SHISA5: variants seen among roughly 807,000 people sequenced by gnomAD.
The protein encoded by SHISA5 is protein shisa-5.
Under a neutral mutation model 27.5 loss-of-function variants are expected in SHISA5, and 21 were observed. That is an observed-to-expected ratio of 0.76 (90% CI 0.54 to 1.10). The LOEUF (loss-of-function observed/expected upper bound fraction) is 1.10, where lower values mean the gene tolerates loss of function less well. Among genes scored for constraint, SHISA5 ranks in the 50% least tolerant of loss-of-function variants. The pLI is 0.00. For missense variants in SHISA5, 314 were observed against 336.3 expected, an observed-to-expected ratio of 0.93 and a Z score of 0.52; for synonymous variants, 137 against 142.2, an observed-to-expected ratio of 0.96 and a Z score of 0.26.
In SHISA5 at chr3:48,468,769, G is replaced by C. The variant is rs1303946335; in HGVS notation, c.*338C>G. ...TAGGGTAAGCTGGAGAAGAACTCCA[G>C]ATGTGCCCTGGAGAGGCCCCCACCT... On this transcript the variant is annotated 3_prime_UTR_variant, in exon 6 of 6. Transcript: ENST00000296444. 39 of 1,392,860 alleles carry C rather than the reference G, an allele frequency of 2.8e-5. No individual in the cohort carries two copies. The highest frequency in any genetic ancestry group is 3.7e-5 in the Non-Finnish European group (39 of 1,056,014). The allele number at this position is 1,392,860 out of a possible 1,614,324, so 86.3% of individuals were successfully genotyped here.
rs537177380 is a variant in SHISA5, at chr3:48,474,089, A to T, written c.315-4246T>A. Among the ~76,000 whole-genome samples, 12 of 151,314 alleles carry T rather than the reference A, an allele frequency of 7.9e-5. No homozygotes were observed. In the East Asian group the frequency reaches 2.3e-3, roughly 29 times the overall value. On this transcript the variant is annotated intron_variant, in intron 3 of 5. Coordinates refer to ENST00000296444, the MANE Select transcript of SHISA5 (RefSeq NM_016479.6). The stretch of plus-strand genomic sequence containing the variant: ...TGAAATTTACAATAAAGGAAATTTT[A>T]TTATTATTATTTTTTTGAGGCAGGG...
intron 2 of SHISA5, among the ~76,000 whole-genome samples, chr3:48,488,620 T>C (rs2041324737): frequency 6.7e-6 from 1 of 149,270 alleles, no homozygotes; most frequent in African/African-American, 2.4e-5. Context: ...GATCACCTGA[T>C]GTCGGGAGTT....
intron 2 of SHISA5, among the ~76,000 whole-genome samples, chr3:48,491,281 G>C (rs1252728435): frequency 6.6e-6 from 1 of 152,106 alleles, no homozygotes; most frequent in East Asian, 1.9e-4. Context: ...ACCATGCCCA[G>C]CTAATTTTTT....
At chr3:48,479,920 T>C (rs1179126646) in intron 2 of SHISA5, among the ~76,000 whole-genome samples, 1 of 145,590 alleles carries the variant, frequency 6.9e-6, no homozygotes, top group Non-Finnish European at 1.5e-5. Flanking sequence ...TTTTTTTTTT[T>C]TGAGACAGAG....
In SHISA5 at chr3:48,470,700, G is replaced by A. The variant is rs1204869272; in HGVS notation, c.315-857C>T. 6.6e-6 allele frequency among the ~76,000 whole-genome samples: 1 copy of A among 152,202 alleles called. No individual in the cohort carries two copies. Among genetic ancestry groups the A allele is most frequent in the Non-Finnish European group, 1.5e-5 (1 of 68,040 alleles). ...TCAGCACTTTGGGAGGCCGAGGAGG[G>A]CGGATCACCTGAGGTGAGGTGTTCG... On this transcript the variant is annotated intron_variant, in intron 3 of 5. Transcript: ENST00000296444. The surrounding 1 kb of genome is among the most constrained non-coding windows in gnomAD (Gnocchi z 4.3).
chr3:48,473,069 C>A lies in SHISA5; in HGVS notation c.315-3226G>T. 1 of 1,518,834 alleles carries A rather than the reference C, an allele frequency of 6.6e-7. No individual in the cohort carries two copies. Among genetic ancestry groups the A allele is most frequent in the South Asian group, 1.2e-5 (1 of 82,112 alleles). The allele number at this position is 1,518,834 out of a possible 1,614,324, so 94.1% of individuals were successfully genotyped here. Reference sequence around the variant, plus strand: ...CTGTACCCCTGGGCTTTCCCCTCTTCCCATCGTGGGCCACTCAGTTTCAAT... The same window carrying A: ...CTGTACCCCTGGGCTTTCCCCTCTTACCATCGTGGGCCACTCAGTTTCAAT... On this transcript the variant is annotated intron_variant, in intron 3 of 5. Coordinates refer to ENST00000296444, the MANE Select transcript of SHISA5 (RefSeq NM_016479.6). The surrounding 1 kb of genome is among the most constrained non-coding windows in gnomAD (Gnocchi z 4.3).
chr3:48,472,489 CTG>C, intron 3 of SHISA5, among the ~76,000 whole-genome samples: 1 of 152,308 alleles, frequency 6.6e-6, no homozygotes, highest in South Asian at 2.1e-4. Context: ...GAGCGAGACT[CTG>C]TCTCCAAAAA....
chr3:48,499,398 A>G (rs1405340066), intron 2 of SHISA5, among the ~76,000 whole-genome samples: 1 of 150,748 alleles, frequency 6.6e-6, no homozygotes, highest in Non-Finnish European at 1.5e-5. Flanking sequence ...AAGAAATACC[A>G]TCAGGCGCGG....
chr3:48,468,478 T>G lies in SHISA5; in HGVS notation c.*629A>C. On this transcript the variant is annotated 3_prime_UTR_variant, in exon 6 of 6. Transcript: ENST00000296444. Reference sequence around the variant, plus strand: ...GCTGAGTAGGGCTCTGCCTGAGGTGTTCTGGCATCAGGAGGCTGCCTGATC... The same window carrying G: ...GCTGAGTAGGGCTCTGCCTGAGGTGGTCTGGCATCAGGAGGCTGCCTGATC... 1 of 1,179,054 alleles carries G rather than the reference T, an allele frequency of 8.5e-7. No homozygotes were observed. Among genetic ancestry groups the G allele is most frequent in the Non-Finnish European group, 1.1e-6 (1 of 938,602 alleles). The allele number at this position is 1,179,054 out of a possible 1,614,324, so 73.0% of individuals were successfully genotyped here.
rs115800960 is a variant in SHISA5, at chr3:48,500,346, G to A, written c.233+791C>T. ...ATATTAAAGTAAATATATAGGCCAG[G>A]CATGGTGGTGCACACCTATAGTTCC... On this transcript the variant is annotated intron_variant, in intron 2 of 5. Coordinates refer to ENST00000296444, the MANE Select transcript of SHISA5 (RefSeq NM_016479.6). Among the ~76,000 whole-genome samples, 1,211 of 152,296 alleles carry A rather than the reference G, an allele frequency of 8.0e-3. 18 individuals carry two copies. Among genetic ancestry groups the A allele is most frequent in the African/African-American group, 0.028 (1,160 of 41,542 alleles).
chr3:48,489,909 C>T (rs185701086), intron 2 of SHISA5, among the ~76,000 whole-genome samples: 4 of 152,232 alleles, frequency 2.6e-5, no homozygotes, highest in African/African-American at 4.8e-5. Context: ...GGATTAAAGG[C>T]GTCAGCCATC....
intron 2 of SHISA5, chr3:48,479,579 C>T (rs2040935519): frequency 2.9e-6 from 1 of 343,304 alleles, no homozygotes; most frequent in South Asian, 9.6e-5. Flanking sequence ...ACCACATTGC[C>T]ACAAAGTTTA....
At chr3:48,498,353 G>C (rs1349139270) in intron 2 of SHISA5, among the ~76,000 whole-genome samples, 1 of 152,136 alleles carries the variant, frequency 6.6e-6, no homozygotes, top group Non-Finnish European at 1.5e-5. Context: ...TGAGGGCCTA[G>C]CCAACACAAT....
At chr3:48,494,134 C>T (rs1270070674) in intron 2 of SHISA5, among the ~76,000 whole-genome samples, 1 of 147,006 alleles carries the variant, frequency 6.8e-6, no homozygotes, top group Non-Finnish European at 1.5e-5. Flanking sequence ...ACCTCCTAGT[C>T]TCCGGTTACC....
At chr3:48,485,266 C>T (rs994897775) in intron 2 of SHISA5, among the ~76,000 whole-genome samples, 2 of 151,970 alleles carry the variant, frequency 1.3e-5, no homozygotes, top group Non-Finnish European at 2.9e-5. Flanking sequence ...GAGGCCAAGG[C>T]GGGCGGATCA....
In SHISA5 at chr3:48,501,188, A is replaced by T. The variant is rs1487152507; in HGVS notation, c.182T>A (p.Val61Glu). ...CTCGCTCCACACAAATTTCTTCAGC[A>T]CGTCAGAGCAGCAGTATTGGTCATC... ...TCDDQYCCSD[V>E]LKKFVWSEER... is the part of the protein sequence containing the mutation. Residue 61 changes from valine (V) to glutamate (E), a missense_variant, in exon 2 of 6, where the codon GTG (valine) becomes GAG (glutamate). Physicochemically the swap from Val to Glu is moderately radical, Grantham distance 121. Transcript: ENST00000296444. 2.5e-6 allele frequency: 4 copies of T among 1,614,108 alleles called. No homozygotes were observed. Among genetic ancestry groups the T allele is most frequent in the Middle Eastern group, 1.6e-4 (1 of 6,062 alleles).
chr3:48,501,042 G>A, intron 2 of SHISA5, 95 bp downstream of exon 2: 2 of 1,362,292 alleles, frequency 1.5e-6, no homozygotes, highest in South Asian at 2.8e-5. Context: ...TGAGAGGGCT[G>A]AGAGGCCAGA....
At chr3:48,496,360 G>A (rs1337687331) in intron 2 of SHISA5, among the ~76,000 whole-genome samples, 4 of 151,970 alleles carry the variant, frequency 2.6e-5, no homozygotes, top group East Asian at 1.9e-4. Context: ...TTGGGAGGCC[G>A]AGGCAGGTGG....
intron 2 of SHISA5, among the ~76,000 whole-genome samples, chr3:48,488,473 T>C (rs560405315): frequency 1.1e-3 from 164 of 150,156 alleles, no homozygotes; most frequent in African/African-American, 3.8e-3. Flanking sequence ...ATGATCCGCC[T>C]ACCTTGGCCT....
Sources: allele counts gnomAD v4.1 joint callset (sites outside exome capture counted in the v4.1 genomes callset), GRCh38; gene constraint gnomAD v4.1.1; non-coding constraint Gnocchi (gnomAD v3.1); transcripts MANE v1.5; gene names NCBI Gene and HGNC (gene_info 2026-07-23, HGNC 2026-07-21).